The following CDKAL1 variants were observed in gnomAD, a reference collection of about 807,000 sequenced individuals.
CDKAL1 encodes threonylcarbamoyladenosine tRNA methylthiotransferase.
In CDKAL1, 32 loss-of-function variants were observed where a neutral mutation model predicts 68.2. That is an observed-to-expected ratio of 0.47 (90% CI 0.35 to 0.63). CDKAL1 has a LOEUF of 0.63. Among genes scored for constraint, CDKAL1 ranks in the 30% least tolerant of loss-of-function variants. CDKAL1 has a pLI of 0.00. For synonymous variants in CDKAL1, 234 were observed against 244.3 expected (o/e 0.96, Z 0.39); for missense variants, 606 against 696.7 (o/e 0.87, Z 1.47).
At chr6:20,541,161 A>G (rs1448329846) in intron 2 of CDKAL1, among the ~76,000 whole-genome samples, 1 of 152,180 alleles carries the variant, frequency 6.6e-6, no homozygotes, top group Non-Finnish European at 1.5e-5. Flanking sequence ...GATAGGTAGT[A>G]AATAATTAGA....
At chr6:21,165,577 C>A (rs1777117111) in intron 13 of CDKAL1, among the ~76,000 whole-genome samples, 1 of 152,144 alleles carries the variant, frequency 6.6e-6, no homozygotes, top group Non-Finnish European at 1.5e-5. Context: ...GATTTGAGAG[C>A]TCGTAGAAGA....
intron 11 of CDKAL1, among the ~76,000 whole-genome samples, chr6:21,044,658 A>G (rs1308910576): frequency 2.0e-5 from 3 of 152,220 alleles, no homozygotes; most frequent in Non-Finnish European, 1.5e-5. Flanking sequence ...TGATTCTTCT[A>G]AATATTCAGT....
chr6:20,911,420 G>T (rs761401189), intron 9 of CDKAL1, among the ~76,000 whole-genome samples: 2 of 152,170 alleles, frequency 1.3e-5, no homozygotes, highest in African/African-American at 2.4e-5. Flanking sequence ...TTGTCTTCTT[G>T]TTGCTCTAGA....
intron 2 of CDKAL1, among the ~76,000 whole-genome samples, chr6:20,544,184 C>T (rs1250009827): frequency 6.6e-6 from 1 of 152,118 alleles, no homozygotes; most frequent in East Asian, 1.9e-4. Flanking sequence ...CATTTAATTG[C>T]TTTTGTGGAA....
chr6:20,921,523 G>T (rs1224902739), intron 9 of CDKAL1, among the ~76,000 whole-genome samples: 1 of 152,172 alleles, frequency 6.6e-6, no homozygotes, highest in Non-Finnish European at 1.5e-5. Flanking sequence ...TTAAGTTGAT[G>T]TTTCAGAGCA....
chr6:20,750,044 A>T (rs1773848083), intron 6 of CDKAL1, among the ~76,000 whole-genome samples: 1 of 152,064 alleles, frequency 6.6e-6, no homozygotes, highest in Non-Finnish European at 1.5e-5. Flanking sequence ...TCATTGTAGC[A>T]AATGAAAATT....
chr6:21,049,671 G>A (rs943332628), intron 11 of CDKAL1, among the ~76,000 whole-genome samples: 1 of 152,062 alleles, frequency 6.6e-6, no homozygotes. Flanking sequence ...ATTTAACATG[G>A]TATTTATTTG....
intron 4 of CDKAL1, among the ~76,000 whole-genome samples, chr6:20,578,029 C>T (rs553265894): frequency 6.6e-5 from 10 of 152,176 alleles, no homozygotes; most frequent in African/African-American, 2.4e-4. Context: ...TATTTGTCTT[C>T]CCTGGACTAT....
chr6:20,664,666 A>G (rs113156156), intron 5 of CDKAL1, among the ~76,000 whole-genome samples: 317 of 152,292 alleles, frequency 2.1e-3, no homozygotes, highest in Middle Eastern at 0.01. Flanking sequence ...ATTTGATGTC[A>G]TTGATCAAGT....
intron 4 of CDKAL1, among the ~76,000 whole-genome samples, chr6:20,595,299 A>G (rs2127705477): frequency 6.6e-6 from 1 of 152,264 alleles, no homozygotes; most frequent in Middle Eastern, 3.4e-3. Context: ...CATCACTTTC[A>G]GGTACACCAA....
At chr6:20,901,586 C>T (rs1413479570) in intron 9 of CDKAL1, among the ~76,000 whole-genome samples, 5 of 141,430 alleles carry the variant, frequency 3.5e-5, no homozygotes, top group Admixed American at 7.6e-5. Flanking sequence ...GAGACTGAGG[C>T]AGGAGAATGG....
chr6:20,765,985 G>A (rs1457567197), intron 7 of CDKAL1, among the ~76,000 whole-genome samples: 1 of 152,136 alleles, frequency 6.6e-6, no homozygotes, highest in Non-Finnish European at 1.5e-5. Context: ...TTTTTTAAAT[G>A]AAGATAGTAA....
At chr6:21,092,181 T>C (rs909763013) in intron 12 of CDKAL1, among the ~76,000 whole-genome samples, 10 of 126,280 alleles carry the variant, frequency 7.9e-5, no homozygotes, top group Non-Finnish European at 1.6e-4. Flanking sequence ...CCACTGCGCC[T>C]GGCCAGGCTC....
chr6:20,762,345 G>T (rs1219474558), intron 7 of CDKAL1, among the ~76,000 whole-genome samples: 1 of 152,196 alleles, frequency 6.6e-6, no homozygotes, highest in Non-Finnish European at 1.5e-5. Flanking sequence ...AGGATGGGAA[G>T]TTTGATAATT....
chr6:21,133,294 A>G (rs1248546550), intron 13 of CDKAL1, among the ~76,000 whole-genome samples: 2 of 152,254 alleles, frequency 1.3e-5, no homozygotes, highest in Non-Finnish European at 2.9e-5. Flanking sequence ...TACAAACATT[A>G]TTAAAATAAT....
At chr6:20,848,279 G>GTTTTTTTGGTTTTTTTTTTTTTTTTTT (rs753304984) in intron 9 of CDKAL1, among the ~76,000 whole-genome samples, 3 of 62,284 alleles carry the variant, frequency 4.8e-5, no homozygotes, top group African/African-American at 7.2e-5. Flanking sequence ...CTGGAAAGTT[G>GTTTTTTTGGTTTTTTTTTTTTTTTTTT]TTTTTTTTTT....
At chr6:20,752,409 A>G (rs1773965410) in intron 6 of CDKAL1, among the ~76,000 whole-genome samples, 1 of 152,156 alleles carries the variant, frequency 6.6e-6, no homozygotes, top group South Asian at 2.1e-4. Flanking sequence ...TTTCAGCTAT[A>G]TACATTCAAG....
intron 10 of CDKAL1, among the ~76,000 whole-genome samples, chr6:20,981,208 A>C (rs1357489327): frequency 6.6e-6 from 1 of 152,206 alleles, no homozygotes; most frequent in East Asian, 1.9e-4. Flanking sequence ...TTAGGAGAAA[A>C]TAAAATCAAA....
intron 11 of CDKAL1, among the ~76,000 whole-genome samples, chr6:21,023,350 C>T (rs57715452): frequency 1.9e-3 from 283 of 152,180 alleles, no homozygotes; most frequent in African/African-American, 6.6e-3. Context: ...AAGGTCTGAA[C>T]TTGAGAAGGT....
Sources: gnomAD v4.1 joint callset for allele counts (sites outside exome capture counted in the v4.1 genomes callset) on GRCh38, gnomAD v4.1.1 for gene constraint, MANE v1.5 for transcripts, NCBI Gene and HGNC (gene_info 2026-07-23, HGNC 2026-07-21) for gene names.